MYO7B: variants seen among roughly 807,000 people sequenced by gnomAD.
The protein encoded by MYO7B is myosin VIIB.
In MYO7B, 212 loss-of-function variants were observed where a neutral mutation model predicts 259.7. The ratio of observed to expected loss-of-function variants is 0.82; its 90% CI spans 0.73 to 0.91. The LOEUF is 0.91. Among genes scored for constraint, MYO7B ranks in the 40% least tolerant of loss-of-function variants. The pLI is 0.00. For synonymous variants in MYO7B, 1,197 were observed against 1,166.4 expected, an observed-to-expected ratio of 1.03 and a Z score of -0.54; for missense variants, 2,732 against 2,813.5, an observed-to-expected ratio of 0.97 and a Z score of 0.66.
chr2:127,549,849 G>A (rs1693380148), intron 1 of MYO7B, among the ~76,000 whole-genome samples: 1 of 152,128 alleles, frequency 6.6e-6, no homozygotes, highest in Non-Finnish European at 1.5e-5. Context: ...AATAGAACAA[G>A]GGCTGGCAGA....
chr2:127,588,588 C>A lies in MYO7B; in HGVS notation c.1854+33C>A, dbSNP rs541094984. 1.6e-4 allele frequency: 265 copies of A among 1,610,984 alleles called. 4 individuals are homozygous for A. The South Asian group carries it at 2.4e-3, about 14-fold the overall frequency. ...CCCAGGCACCCTCCTGGGTCTGTCA[C>A]CCCTGATGGCTACAGGGCCAGACAG... On this transcript the variant is annotated intron_variant, in intron 15 of 47. Transcript: ENST00000409816.
intron 15 of MYO7B, among the ~76,000 whole-genome samples, chr2:127,588,983 GAT>G (rs1679422609): frequency 7.0e-6 from 1 of 143,042 alleles, no homozygotes; most frequent in African/African-American, 2.6e-5. Flanking sequence ...ATGGGTAGTG[GAT>G]GGGTGGATGG....
intron 5 of MYO7B, among the ~76,000 whole-genome samples, chr2:127,569,154 G>A (rs1282747929): frequency 1.4e-5 from 2 of 139,642 alleles, no homozygotes; most frequent in Non-Finnish European, 3.0e-5. Flanking sequence ...GTTGCAGTGA[G>A]CCGAAATCAT....
At chr2:127,593,218 C>T (rs1679636571) in intron 17 of MYO7B, among the ~76,000 whole-genome samples, 1 of 152,350 alleles carries the variant, frequency 6.6e-6, no homozygotes, top group East Asian at 1.9e-4. Context: ...ACAGCAGACA[C>T]GTTCTCTCCT....
At position 127,624,422 on chromosome 2, in the gene MYO7B, G is replaced by C. The variant is rs1681004837; in HGVS notation, c.4047+102G>C. ...TTCTGAGGCCAGGTAGAAGGTGGGG[G>C]GGCAGGAAAGGGGGTCACAAGGGTG... is the stretch of plus-strand genomic sequence containing the variant. On this transcript the variant is annotated intron_variant, in intron 30 of 47. Coordinates refer to ENST00000409816, the MANE Select transcript of MYO7B (RefSeq NM_001393586.1). 3.8e-6 allele frequency: 4 copies of C among 1,056,444 alleles called. No homozygotes were observed. In the Admixed American group the frequency reaches 7.2e-5, roughly 19 times the overall value. The allele number at this position is 1,056,444 out of a possible 1,614,324, so 65.4% of individuals were successfully genotyped here. A position where few individuals can be genotyped will look rare whatever the true frequency, so the allele number is the denominator to read the frequency against.
Position 127,592,953 on chromosome 2 carries a change from G to T in MYO7B, c.2145+7G>T. The T allele has an allele frequency of 6.3e-7, 1 of 1,578,536 alleles. No homozygotes were observed. Among genetic ancestry groups the T allele is most frequent in the Non-Finnish European group, 8.6e-7 (1 of 1,163,186 alleles). ...CAACGCCATGCGGATGCAGGTCAGC[G>T]CCCCTCGGGGACGGTCACCTCTGGC... is the stretch of plus-strand genomic sequence containing the variant. On this transcript the variant is annotated splice_region_variant and intron_variant, in intron 17 of 47. Transcript: ENST00000409816.
rs1679220812 is a variant in MYO7B at position 127,584,316 on chromosome 2, A to G, written c.1538A>G (p.Glu513Gly). The change falls in exon 13 of 48, where the codon GAA (glutamate) becomes GGA (glycine). Residue 513 changes from glutamate to glycine, a missense_variant. Glu to Gly is a moderately conservative substitution (Grantham distance 98). Coordinates refer to ENST00000409816, the MANE Select transcript of MYO7B (RefSeq NM_001393586.1). The surrounding 1 kb of genome is among the most constrained non-coding windows in gnomAD (Gnocchi z 5.8). Reference protein sequence around the residue: ...PMSIISLLDEESRFPQGTDLT... With the variant: ...PMSIISLLDEGSRFPQGTDLT... ...AGCATCATCTCCCTCCTGGACGAAG[A>G]AAGCCGCTTCCCGCAGGTGTGTGTT... is the stretch of plus-strand genomic sequence containing the variant. 6.2e-7 allele frequency: 1 copy of G among 1,613,814 alleles called. No homozygotes were observed. Among genetic ancestry groups the G allele is most frequent in the Admixed American group, 1.7e-5 (1 of 59,996 alleles).
rs1393401259 is a variant in MYO7B at position 127,581,970 on chromosome 2, A to G, written c.1160A>G (p.Asn387Ser). ...IRGEFVTRSL[N>S]IAQAADRRDA... is the part of the protein sequence containing the mutation. ...GGGGAATTTGTCACCAGGTCCCTGA[A>G]CATTGCCCAGGCTGCTGACCGGAGG... Residue 387 changes from asparagine (N) to serine (S), a missense_variant, in exon 11 of 48, where the codon AAC becomes AGC. Around this residue, in one of 3 missense-constraint regions of MYO7B, gnomAD observed 1,906 missense variants for 2,026.4 expected, o/e 0.94. Coordinates refer to ENST00000409816, the MANE Select transcript of MYO7B (RefSeq NM_001393586.1). 1.5e-5 allele frequency: 24 copies of G among 1,613,826 alleles called. No individual in the cohort carries two copies. In the Admixed American group the frequency reaches 4.0e-4, roughly 27 times the overall value.
rs1368882165 is a variant in MYO7B, at chr2:127,634,616, A to G, written c.5646A>G (p.Gly1882=). The part of the protein sequence containing the change: ...ISDKVISQKE[G]DFFFDSLREV... ...CCCAGGTCATCAGCCAGAAGGAGGG[A>G]GACTTCTTCTTTGATTCCTTGAGGG... is the stretch of plus-strand genomic sequence containing the variant. The change falls in exon 42 of 48, where the codon GGA becomes GGG. Residue 1882 remains glycine (G), a synonymous_variant. Coordinates refer to ENST00000409816, the MANE Select transcript of MYO7B (RefSeq NM_001393586.1). 6.2e-7 allele frequency: 1 copy of G among 1,612,520 alleles called. No homozygotes were observed. The highest frequency in any genetic ancestry group is 8.5e-7 in the Non-Finnish European group (1 of 1,179,376).
Position 127,636,974 on chromosome 2 carries a change from T to TC in MYO7B, c.6327+65dup. On this transcript the variant is annotated intron_variant, in intron 47 of 47. Coordinates refer to ENST00000409816, the MANE Select transcript of MYO7B (RefSeq NM_001393586.1). The surrounding 1 kb of genome is among the most constrained non-coding windows in gnomAD (Gnocchi z 4.5). ...AGGACAGAGCTGCTGGAGACTGGGTTCCCCACCCTCACCCCTTTCAAGTGG... is the reference window on the plus strand; with the variant it reads ...AGGACAGAGCTGCTGGAGACTGGGTTCCCCCACCCTCACCCCTTTCAAGTGG... 1 of 1,596,056 alleles carries TC rather than the reference T, an allele frequency of 6.3e-7. No homozygotes were observed. The highest frequency in any genetic ancestry group is 1.1e-5 in the South Asian group (1 of 90,368).
At position 127,582,366 on chromosome 2, in the gene MYO7B, AC is replaced by A; in HGVS notation, c.1265del (p.Pro422GlnfsTer83). 6.2e-7 allele frequency: 1 copy of A among 1,613,170 alleles called. No homozygotes were observed. The highest frequency in any genetic ancestry group is 1.1e-5 in the South Asian group (1 of 90,844). ...AGATCAATGCCGCCATCTTCACACC[AC>A]CAGCCCAGGACCCCAAAAATGTGCG... ...KKINAAIFTP[P>X]AQDPKNVRRA... On this transcript the variant is annotated frameshift_variant, in exon 12 of 48. Transcript: ENST00000409816. LOFTEE classifies it high-confidence loss of function.
In MYO7B at chr2:127,572,750, T is replaced by TTATC. The variant is rs555966162; in HGVS notation, c.593-1168_593-1165dup. The stretch of plus-strand genomic sequence containing the variant: ...TATGGGGCTGTTTCTGGATTCTCTA[T>TTATC]TATCTTCAATTCCCCTCTCTGTCTA... On this transcript the variant is annotated intron_variant, in intron 6 of 47. Transcript: ENST00000409816. Among the ~76,000 whole-genome samples, 772 of 152,280 alleles carry TTATC rather than the reference T, an allele frequency of 5.1e-3. 9 individuals are homozygous for TTATC. Among genetic ancestry groups the TTATC allele is most frequent in the African/African-American group, 0.017 (717 of 41,556 alleles).
At chr2:127,558,634 A>G (rs1412826359) in intron 1 of MYO7B, among the ~76,000 whole-genome samples, 1 of 152,240 alleles carries the variant, frequency 6.6e-6, no homozygotes, top group East Asian at 1.9e-4. Context: ...AGAAATTGTG[A>G]TATCTATGTA....
rs1573662137 is a variant in MYO7B at position 127,590,053 on chromosome 2, C to G, written c.1855-39C>G. 1.3e-6 allele frequency: 2 copies of G among 1,551,822 alleles called. No individual in the cohort carries two copies. Among genetic ancestry groups the G allele is most frequent in the Non-Finnish European group, 1.7e-6 (2 of 1,147,086 alleles). ...CAGGGTCAGCTGTCCCAGGACATGG[C>G]TCCTGAGACCCACTTGTGCTCTGTG... is the stretch of plus-strand genomic sequence containing the variant. On this transcript the variant is annotated intron_variant, in intron 15 of 47. Coordinates refer to ENST00000409816, the MANE Select transcript of MYO7B (RefSeq NM_001393586.1). This position sits in a 1 kb window ranked among gnomAD's most constrained non-coding sequence, Gnocchi z 4.6.
chr2:127,621,553 G>A (rs1475130053), intron 27 of MYO7B, among the ~76,000 whole-genome samples: 3 of 152,184 alleles, frequency 2.0e-5, no homozygotes, highest in African/African-American at 7.2e-5. Flanking sequence ...GAGCCACCAT[G>A]CCTGGCCCTG....
chr2:127,609,526 G>A lies in MYO7B; in HGVS notation c.2835G>A (p.Gln945=). The A allele has an allele frequency of 6.2e-7, 1 of 1,613,418 alleles. No individual in the cohort carries two copies. The highest frequency in any genetic ancestry group is 8.5e-7 in the Non-Finnish European group (1 of 1,179,578). The part of the protein sequence containing the change: ...PHFEDLESKT[Q]KLLEVDLDTV... ...CGTAGGATCTGGAATCGAAGACCCA[G>A]AAGCTGCTTGAGGTTGACCTGGACA... The change falls in exon 23 of 48, where the codon CAG becomes CAA. Residue 945 remains glutamine (Q), a synonymous_variant. Coordinates refer to ENST00000409816, the MANE Select transcript of MYO7B (RefSeq NM_001393586.1). The surrounding 1 kb of genome is among the most constrained non-coding windows in gnomAD (Gnocchi z 6.9).
rs1187797510 is a variant in MYO7B at position 127,612,562 on chromosome 2, G to A, written c.3357G>A (p.Val1119=). 1.9e-6 allele frequency: 3 copies of A among 1,604,794 alleles called. No individual in the cohort carries two copies. The South Asian group carries it at 3.4e-5, about 18-fold the overall frequency. Residue 1119 remains valine, a synonymous_variant, in exon 26 of 48, where the codon GTG becomes GTA. Coordinates refer to ENST00000409816, the MANE Select transcript of MYO7B (RefSeq NM_001393586.1). ...GGCCCATGTCCAACCTGGAGAAGGT[G>A]CACTTCATCGTGGGCTACGCCATCC... ...ADRPMSNLEK[V]HFIVGYAILR...
intron 5 of MYO7B, among the ~76,000 whole-genome samples, chr2:127,569,549 T>C (rs1019290541): frequency 7.2e-5 from 11 of 152,102 alleles, no homozygotes; most frequent in Admixed American, 6.5e-4. Context: ...CAGATCCGAG[T>C]GTGCCAAGGA....
At chr2:127,612,115 G>C in intron 24 of MYO7B, 135 bp from the exon 25 acceptor site, 2 of 430,280 alleles carry the variant, frequency 4.6e-6, no homozygotes, top group Non-Finnish European at 9.3e-6. Flanking sequence ...CTGAGGGACT[G>C]CATGGTGCTT....
Sources: gnomAD v4.1 joint callset for allele counts (sites outside exome capture counted in the v4.1 genomes callset) on GRCh38, gnomAD v4.1.1 for gene constraint, gnomAD v4.1.1 regional missense constraint, Gnocchi (gnomAD v3.1) non-coding constraint, MANE v1.5 for transcripts, NCBI Gene and HGNC (gene_info 2026-07-23, HGNC 2026-07-21) for gene names.